Variants in TRIM67 observed in about 807,000 individuals in gnomAD.
The protein encoded by TRIM67 is tripartite motif containing 67.
In TRIM67, 39 loss-of-function variants were observed where a neutral mutation model predicts 71.0. The observed-to-expected ratio is 0.55, with a 90% CI of 0.43 to 0.72. The LOEUF (loss-of-function observed/expected upper bound fraction) is 0.72. Among genes scored for constraint, TRIM67 ranks in the 30% least tolerant of loss-of-function variants. The pLI, the probability that TRIM67 is intolerant of heterozygous loss-of-function variation, is 0.00. For synonymous variants in TRIM67, 481 were observed against 473.9 expected (o/e 1.01, Z -0.19); for missense variants, 973 against 1,079.2 (o/e 0.90, Z 1.38).
intron 1 of TRIM67, among the ~76,000 whole-genome samples, chr1:231,194,487 G>A (rs1173246889): frequency 6.6e-6 from 1 of 152,166 alleles, no homozygotes; most frequent in African/African-American, 2.4e-5. Flanking sequence ...ACAAAGCTGG[G>A]CATGTTCCAG....
At chr1:231,181,255 C>T (rs1459738269) in intron 1 of TRIM67, among the ~76,000 whole-genome samples, 1 of 152,214 alleles carries the variant, frequency 6.6e-6, no homozygotes, top group Non-Finnish European at 1.5e-5. Flanking sequence ...TGAGCCACTG[C>T]ACCTGGCCAG....
chr1:231,167,536 A>G (rs1401315652), intron 1 of TRIM67, among the ~76,000 whole-genome samples: 1 of 108,612 alleles, frequency 9.2e-6, no homozygotes, highest in Non-Finnish European at 1.7e-5. Context: ...TTTAGCCGGG[A>G]TGGTCTCGAT....
At chr1:231,186,249 C>T (rs1571882077) in intron 1 of TRIM67, 2 of 1,280,764 alleles carry the variant, frequency 1.6e-6, no homozygotes, top group African/African-American at 3.1e-5. Flanking sequence ...CTGGCAAAAG[C>T]AGGATTTCTT....
chr1:231,200,646 A>T (rs1041249764), intron 4 of TRIM67, among the ~76,000 whole-genome samples: 37 of 152,154 alleles, frequency 2.4e-4, no homozygotes, highest in African/African-American at 8.7e-4. Context: ...CTGCCTACAG[A>T]CACAGTGCAA....
intron 1 of TRIM67, among the ~76,000 whole-genome samples, chr1:231,196,387 C>A (rs540711231): frequency 6.6e-6 from 1 of 152,176 alleles, no homozygotes; most frequent in African/African-American, 2.4e-5. Flanking sequence ...GTGGAAGGAT[C>A]ACTTGAGACC....
In TRIM67 at chr1:231,216,722, C is replaced by T; in HGVS notation, c.*1282C>T. ...ACTGGGTGTGCCGAGTCTGACCTGCCAGGGCAGGACTCTGGAAACACCAGG... is the reference window on the plus strand; with the variant it reads ...ACTGGGTGTGCCGAGTCTGACCTGCTAGGGCAGGACTCTGGAAACACCAGG... On this transcript the variant is annotated 3_prime_UTR_variant, in exon 10 of 10. Coordinates refer to ENST00000366653, the MANE Select transcript of TRIM67 (RefSeq NM_001004342.5). 2.0e-6 allele frequency: 2 copies of T among 985,494 alleles called. No individual in the cohort carries two copies. Among genetic ancestry groups the T allele is most frequent in the Non-Finnish European group, 2.4e-6 (2 of 829,966 alleles). The allele number at this position is 985,494 out of a possible 1,614,324, so 61.0% of individuals were successfully genotyped here.
intron 1 of TRIM67, among the ~76,000 whole-genome samples, chr1:231,176,912 A>AAAAAAAAAAC (rs1030731643): frequency 1.3e-5 from 2 of 150,050 alleles, no homozygotes; most frequent in African/African-American, 5.0e-5. Context: ...CTGGCAAAAA[A>AAAAAAAAAAC]AAAAAAAAAA....
chr1:231,192,176 C>T (rs544517211), intron 1 of TRIM67, among the ~76,000 whole-genome samples: 20 of 151,090 alleles, frequency 1.3e-4, no homozygotes, highest in African/African-American at 4.9e-4. Flanking sequence ...CTCCAGATCT[C>T]CATCTGTCTC....
rs1199413903 is a variant in TRIM67 at position 231,219,115 on chromosome 1, C to T, written c.*3675C>T. On this transcript the variant is annotated 3_prime_UTR_variant, in exon 10 of 10. Transcript: ENST00000366653. ...TTTGAGGTAGTGAGGGAGGGTCAAT[C>T]CTTAGGGGGAGTCAACATGTGAATG... The T allele has an allele frequency of 3.0e-6, 3 of 985,312 alleles. No homozygotes were observed. In the African/African-American group the frequency reaches 5.2e-5, roughly 17 times the overall value. 61.0% of individuals were successfully genotyped at this position (985,312 alleles called of 1,614,324 possible). A position where few individuals can be genotyped will look rare whatever the true frequency, so the allele number is the denominator to read the frequency against.
At chr1:231,179,073 T>C (rs1304705781) in intron 1 of TRIM67, among the ~76,000 whole-genome samples, 1 of 152,246 alleles carries the variant, frequency 6.6e-6, no homozygotes, top group Non-Finnish European at 1.5e-5. Context: ...CATCACAAAT[T>C]ACCACAAGCT....
Position 231,163,900 on chromosome 1 carries a change from T to C in TRIM67, c.931T>C (p.Tyr311His). ...GTGTCCCGAGCATGAAATGGAGAAC[T>C]ACAGCATGTACTGCGTGAGCTGTCG... is the stretch of plus-strand genomic sequence containing the variant. The part of the protein sequence containing the change: ...PTCPEHEMEN[Y>H]SMYCVSCRTP... The change falls in exon 1 of 10, where the codon TAC (tyrosine) becomes CAC (histidine). Residue 311 changes from tyrosine to histidine, a missense_variant. Physicochemically the swap from Tyr to His is moderately conservative, Grantham distance 83 (BLOSUM62 2). Around this residue, in one of 2 missense-constraint regions of TRIM67, gnomAD observed 795 missense variants for 831.3 expected, o/e 0.96. Transcript: ENST00000366653. The C allele has an allele frequency of 6.3e-7, 1 of 1,586,096 alleles. No individual in the cohort carries two copies. The highest frequency in any genetic ancestry group is 1.2e-5 in the South Asian group (1 of 86,518).
In TRIM67 at chr1:231,217,950, G is replaced by A; in HGVS notation, c.*2510G>A. 7.9e-7 allele frequency: 1 copy of A among 1,264,638 alleles called. No homozygotes were observed. Among genetic ancestry groups the A allele is most frequent in the Admixed American group, 2.5e-5 (1 of 40,026 alleles). 78.3% of individuals were successfully genotyped at this position (1,264,638 alleles called of 1,614,324 possible). ...CCTCCCCACTGCCACCCTGAGCTTG[G>A]GGGCTGGGATTCTCCCTTTTCTGAC... On this transcript the variant is annotated 3_prime_UTR_variant, in exon 10 of 10. Coordinates refer to ENST00000366653, the MANE Select transcript of TRIM67 (RefSeq NM_001004342.5).
At chr1:231,185,006 G>A in intron 1 of TRIM67, 2 of 1,532,538 alleles carry the variant, frequency 1.3e-6, no homozygotes, top group Non-Finnish European at 8.7e-7. Flanking sequence ...CCGGCAGGTT[G>A]GGGAGGGTCA....
At chr1:231,185,790 G>A (rs1248286499) in intron 1 of TRIM67, among the ~76,000 whole-genome samples, 6 of 151,938 alleles carry the variant, frequency 3.9e-5, no homozygotes, top group Non-Finnish European at 8.8e-5. Flanking sequence ...ACAGATGATG[G>A]CGAGGGCCAC....
rs1437165136 is a variant in TRIM67, at chr1:231,219,790, T to C, written c.*4350T>C. The C allele has an allele frequency of 1.1e-5, 14 of 1,247,992 alleles. No individual in the cohort carries two copies. The highest frequency in any genetic ancestry group is 1.3e-5 in the Non-Finnish European group (13 of 967,428). The allele number at this position is 1,247,992 out of a possible 1,614,324, so 77.3% of individuals were successfully genotyped here. A position where few individuals can be genotyped will look rare whatever the true frequency, so the allele number is the denominator to read the frequency against. Reference sequence around the variant, plus strand: ...GACTTTTCTTTTGCAAGTGAGCCGGTAGCTGTGTTTGTTGACCACATTCTT... The same window carrying C: ...GACTTTTCTTTTGCAAGTGAGCCGGCAGCTGTGTTTGTTGACCACATTCTT... On this transcript the variant is annotated 3_prime_UTR_variant, in exon 10 of 10. Coordinates refer to ENST00000366653, the MANE Select transcript of TRIM67 (RefSeq NM_001004342.5).
At chr1:231,180,727 T>G (rs1256134539) in intron 1 of TRIM67, among the ~76,000 whole-genome samples, 1 of 152,212 alleles carries the variant, frequency 6.6e-6, no homozygotes, top group African/African-American at 2.4e-5. Flanking sequence ...ATCTGCACTC[T>G]GTAGGAGAGT....
chr1:231,170,017 A>T (rs1682584438), intron 1 of TRIM67, among the ~76,000 whole-genome samples: 1 of 101,908 alleles, frequency 9.8e-6, no homozygotes, highest in African/African-American at 7.3e-5. Flanking sequence ...TTGGAGTTTC[A>T]CTCTTGTTGC....
In TRIM67 at chr1:231,219,986, G is replaced by C. The variant is rs1293477827; in HGVS notation, c.*4546G>C. 7.8e-7 allele frequency: 1 copy of C among 1,284,324 alleles called. No homozygotes were observed. Among genetic ancestry groups the C allele is most frequent in the East Asian group, 5.6e-5 (1 of 18,006 alleles). The allele number at this position is 1,284,324 out of a possible 1,614,324, so 79.6% of individuals were successfully genotyped here. A position where few individuals can be genotyped will look rare whatever the true frequency, so the allele number is the denominator to read the frequency against. ...TAATAGTGATTCATGGTATGAGTGG[G>C]GGCCAATCTCTTATCCTTTCTGTGC... is the stretch of plus-strand genomic sequence containing the variant. On this transcript the variant is annotated 3_prime_UTR_variant, in exon 10 of 10. Transcript: ENST00000366653.
Position 231,163,879 on chromosome 1 carries a change from C to A in TRIM67, c.910C>A (p.Pro304Thr). ...CACGGCCCGCAAGTTCCCCACGTGT[C>A]CCGAGCATGAAATGGAGAACTACAG... ...GSTARKFPTC[P>T]EHEMENYSMY... The change falls in exon 1 of 10, where the codon CCC (proline) becomes ACC (threonine). Residue 304 changes from proline (P) to threonine (T), a missense_variant. Coordinates refer to ENST00000366653, the MANE Select transcript of TRIM67 (RefSeq NM_001004342.5). 1 of 1,577,164 alleles carries A rather than the reference C, an allele frequency of 6.3e-7. No homozygotes were observed. Among genetic ancestry groups the A allele is most frequent in the Non-Finnish European group, 8.6e-7 (1 of 1,162,188 alleles).
Sources: allele counts gnomAD v4.1 joint callset (sites outside exome capture counted in the v4.1 genomes callset), GRCh38; gene constraint gnomAD v4.1.1; regional missense constraint gnomAD v4.1.1; transcripts MANE v1.5; gene names NCBI Gene and HGNC (gene_info 2026-07-23, HGNC 2026-07-21).